Variants in DDX60 observed in about 807,000 individuals in gnomAD.
The protein encoded by DDX60 is DExD/H-box helicase 60.
In DDX60, 165 loss-of-function variants were observed where a neutral mutation model predicts 212.8. The observed-to-expected ratio is 0.78, with a 90% confidence interval of 0.68 to 0.88. The LOEUF is 0.88. Among genes scored for constraint, DDX60 ranks in the 40% least tolerant of loss-of-function variants. The pLI, the probability that DDX60 is intolerant of heterozygous loss-of-function variation, is 0.00. For missense variants in DDX60, 1,905 were observed against 2,003.9 expected, an observed-to-expected ratio of 0.95 and a Z score of 0.94; for synonymous variants, 703 against 685.3, an observed-to-expected ratio of 1.03 and a Z score of -0.40.
chr4:168,305,656 T>C (rs1736844282), intron 5 of DDX60, among the ~76,000 whole-genome samples: 1 of 149,472 alleles, frequency 6.7e-6, no homozygotes, highest in African/African-American at 2.4e-5. Flanking sequence ...TATCATTTAT[T>C]TTATACATAT....
chr4:168,321,676 A>C (rs1466450563), upstream of DDX60, among the ~76,000 whole-genome samples: 1 of 152,172 alleles, frequency 6.6e-6, no homozygotes, highest in Non-Finnish European at 1.5e-5. Context: ...TAAGCAGAAC[A>C]CACAGCATGC....
chr4:168,313,318 A>G (rs1185503354), intron 1 of DDX60, among the ~76,000 whole-genome samples: 2 of 152,210 alleles, frequency 1.3e-5, no homozygotes, highest in Non-Finnish European at 2.9e-5. Context: ...TTAATGCATA[A>G]AGTTGTGAAA....
chr4:168,231,565 C>A (rs1404877256), intron 33 of DDX60, among the ~76,000 whole-genome samples: 1 of 151,924 alleles, frequency 6.6e-6, no homozygotes, highest in Non-Finnish European at 1.5e-5. Context: ...TTATCATATG[C>A]AAGTGAATAA....
At chr4:168,301,660 A>C (rs1187673764) in intron 6 of DDX60, among the ~76,000 whole-genome samples, 1 of 152,182 alleles carries the variant, frequency 6.6e-6, no homozygotes, top group Non-Finnish European at 1.5e-5. Flanking sequence ...AATAAAAGTC[A>C]CCATTAGGCA....
At chr4:168,283,232 T>C (rs887434087) in intron 13 of DDX60, among the ~76,000 whole-genome samples, 3 of 152,176 alleles carry the variant, frequency 2.0e-5, no homozygotes, top group Non-Finnish European at 4.4e-5. Flanking sequence ...GAGATACATA[T>C]GTTATTATGT....
At position 168,262,807 on chromosome 4, in the gene DDX60, A is replaced by G. The variant is rs769235429; in HGVS notation, c.3040-20T>C. On this transcript the variant is annotated intron_variant, in intron 22 of 37. Transcript: ENST00000393743. ...TTCAATCTGTTTAAAATAAAATTAA[A>G]ATTTTTACTCTTTATTTTATTTTAT... The G allele has an allele frequency of 1.0e-5, 15 of 1,492,544 alleles. No homozygotes were observed. The East Asian group carries it at 2.6e-4, about 26-fold the overall frequency. 92.5% of individuals were successfully genotyped at this position (1,492,544 alleles called of 1,614,324 possible).
In DDX60 at chr4:168,272,129, T is replaced by C; in HGVS notation, c.2584A>G (p.Thr862Ala). The C allele has an allele frequency of 6.3e-7, 1 of 1,575,538 alleles. No individual in the cohort carries two copies. Among genetic ancestry groups the C allele is most frequent in the Non-Finnish European group, 8.6e-7 (1 of 1,157,520 alleles). The change falls in exon 19 of 38, where the codon ACA (threonine) becomes GCA (alanine). Residue 862 changes from threonine to alanine, a missense_variant. Physicochemically the swap from Thr to Ala is moderately conservative, Grantham distance 58. Coordinates refer to ENST00000393743, the MANE Select transcript of DDX60 (RefSeq NM_017631.6). Reference sequence around the variant, plus strand: ...AGAATTTCAAAGCAGGCAGGCACTGTAATAAGTACCTACAAAGAATAATAT... The same window carrying C: ...AGAATTTCAAAGCAGGCAGGCACTGCAATAAGTACCTACAAAGAATAATAT... ...HDALNCQVLI[T>A]VPACFEILLL...
At chr4:168,310,196 T>C (rs1016609299) in intron 3 of DDX60, among the ~76,000 whole-genome samples, 6 of 152,132 alleles carry the variant, frequency 3.9e-5, no homozygotes, top group Non-Finnish European at 7.4e-5. Flanking sequence ...GATGCTGAAG[T>C]GGTCTACTCG....
intron 6 of DDX60, among the ~76,000 whole-genome samples, chr4:168,296,027 C>T (rs1214366078): frequency 1.3e-5 from 2 of 152,002 alleles, no homozygotes; most frequent in African/African-American, 4.8e-5. Context: ...GACTTGCTGA[C>T]CCAAGGGTAC....
intron 6 of DDX60, among the ~76,000 whole-genome samples, chr4:168,299,293 A>G (rs1377448612): frequency 6.6e-6 from 1 of 152,000 alleles, no homozygotes; most frequent in Non-Finnish European, 1.5e-5. Context: ...ATGACAAAAA[A>G]TTTACAGCAT....
At chr4:168,321,172 C>A (rs1368235674), upstream of DDX60, among the ~76,000 whole-genome samples, 1 of 152,044 alleles carries the variant, frequency 6.6e-6, no homozygotes, top group East Asian at 1.9e-4. Context: ...ACAGCCTACT[C>A]CCATGACCAC....
At chr4:168,219,024 T>C (rs541605975) in intron 37 of DDX60, among the ~76,000 whole-genome samples, 1 of 152,092 alleles carries the variant, frequency 6.6e-6, no homozygotes, top group African/African-American at 2.4e-5. Flanking sequence ...TTCTTGCCTG[T>C]AATCCTAGCA....
At chr4:168,260,653 T>C (rs1261657068) in intron 25 of DDX60, among the ~76,000 whole-genome samples, 1 of 152,104 alleles carries the variant, frequency 6.6e-6, no homozygotes, top group Non-Finnish European at 1.5e-5. Flanking sequence ...CTCTCACATG[T>C]GCAGTTCACA....
chr4:168,234,657 C>G (rs1733569853), intron 33 of DDX60, among the ~76,000 whole-genome samples: 1 of 152,018 alleles, frequency 6.6e-6, no homozygotes, highest in Admixed American at 6.6e-5. Context: ...ATTTATGGAT[C>G]TACAATTACC....
chr4:168,302,552 G>A, intron 5 of DDX60, 136 bp from the exon 6 acceptor site: 1 of 439,156 alleles, frequency 2.3e-6, no homozygotes, highest in Middle Eastern at 6.1e-4. Flanking sequence ...CAATGTAATT[G>A]TAAGTTTTAA....
At chr4:168,257,543 T>A (rs1319401897) in intron 25 of DDX60, among the ~76,000 whole-genome samples, 1 of 152,186 alleles carries the variant, frequency 6.6e-6, no homozygotes, top group Admixed American at 6.5e-5. Context: ...CTGACATATG[T>A]TGCTTCTCTT....
intron 29 of DDX60, among the ~76,000 whole-genome samples, chr4:168,247,019 AC>A (rs1734048786): frequency 6.6e-6 from 1 of 152,120 alleles, no homozygotes; most frequent in African/African-American, 2.4e-5. Flanking sequence ...ACCCTCTCTC[AC>A]ACACAAGTGT....
chr4:168,235,924 G>A (rs749824263), intron 33 of DDX60: 9 of 236,136 alleles, frequency 3.8e-5, no homozygotes, highest in Non-Finnish European at 7.3e-5. Context: ...CAGTATATTC[G>A]GTGATACAGC....
intron 6 of DDX60, among the ~76,000 whole-genome samples, chr4:168,298,133 G>A (rs544810956): frequency 6.6e-5 from 10 of 151,718 alleles, no homozygotes; most frequent in Admixed American, 2.6e-4. Context: ...TTACCATAAC[G>A]AAACATGTAA....
Sources: gnomAD v4.1 joint callset for allele counts (sites outside exome capture counted in the v4.1 genomes callset) on GRCh38, gnomAD v4.1.1 for gene constraint, MANE v1.5 for transcripts, NCBI Gene and HGNC (gene_info 2026-07-23, HGNC 2026-07-21) for gene names.